Variants in IL2RB observed in about 807,000 individuals in gnomAD.
IL2RB encodes interleukin-2 receptor subunit beta.
A neutral mutation model predicts 44.2 loss-of-function variants in IL2RB; 17 were observed. The observed-to-expected ratio is 0.38, with a 90% CI of 0.26 to 0.58. The LOEUF (loss-of-function observed/expected upper bound fraction) is 0.58. Among genes scored for constraint, IL2RB ranks in the 20% least tolerant of loss-of-function variants. The probability of loss-of-function intolerance (pLI) is 0.63; values close to 1 mark genes in which losing one functional copy is unlikely to be tolerated. For missense variants in IL2RB, 624 were observed against 685.5 expected (o/e 0.91, Z 1.00); for synonymous variants, 286 against 297.9 (o/e 0.96, Z 0.41).
intron 4 of IL2RB, among the ~76,000 whole-genome samples, 186 bp from the exon 5 acceptor site, chr22:37,139,408 T>G (rs1175185420): frequency 6.6e-6 from 1 of 152,168 alleles, no homozygotes; most frequent in East Asian, 1.9e-4. Context: ...GGCCACATGG[T>G]CTCTGTCACG....
chr22:37,152,689 C>G (rs374119226), upstream of IL2RB, among the ~76,000 whole-genome samples: 16 of 152,228 alleles, frequency 1.1e-4, no homozygotes, highest in East Asian at 1.7e-3. Context: ...TGGTTCCTAA[C>G]CCTTCTCCCC....
At chr22:37,145,235 G>A (rs1270710999) in intron 1 of IL2RB, among the ~76,000 whole-genome samples, 1 of 152,204 alleles carries the variant, frequency 6.6e-6, no homozygotes, top group African/African-American at 2.4e-5. Context: ...CCTTTACGGA[G>A]GACCTTGTCC....
chr22:37,154,575 C>CTTTTTTTTTT (rs57147928), upstream of IL2RB, among the ~76,000 whole-genome samples: 5 of 141,606 alleles, frequency 3.5e-5, no homozygotes, highest in Non-Finnish European at 6.1e-5. Flanking sequence ...CTTTTTTTTT[C>CTTTTTTTTTT]TTTTTTTTTT....
At chr22:37,139,028 G>T in intron 5 of IL2RB, 89 bp downstream of exon 5, 1 of 846,158 alleles carries the variant, frequency 1.2e-6, no homozygotes, top group South Asian at 1.5e-5. Context: ...CTGCCGGGGA[G>T]AAAGGCTGGA....
chr22:37,132,540 C>G, intron 8 of IL2RB, 72 bp from the exon 9 acceptor site: 1 of 1,078,974 alleles, frequency 9.3e-7, no homozygotes, highest in Non-Finnish European at 1.4e-6. Context: ...ATCGGCACCA[C>G]AGCTCTGGAT....
chr22:37,164,276 C>T (rs942393588), intron 1 of IL2RB, among the ~76,000 whole-genome samples: 20 of 152,120 alleles, frequency 1.3e-4, no homozygotes, highest in Admixed American at 1.3e-3. Flanking sequence ...GGCGTCAGGG[C>T]CCAGAAGAGA....
In IL2RB at chr22:37,131,384, A is replaced by G. The variant is rs546346789; in HGVS notation, c.903+1000T>C. On this transcript the variant is annotated intron_variant, in intron 9 of 9. Coordinates refer to ENST00000216223, the MANE Select transcript of IL2RB (RefSeq NM_000878.5). ...CTCATCCCCACCCCCCAATCTTGGG[A>G]GCCTAGAGTGGGGCTAGGGTGGTAA... Among the ~76,000 whole-genome samples the G allele has an allele frequency of 5.1e-4, 78 of 152,002 alleles. 1 individual carries two copies. In the East Asian group the frequency reaches 5.4e-3, roughly 11 times the overall value.
rs775393264 is a variant in IL2RB, at chr22:37,128,534, T to C, written c.1218A>G (p.Gln406=). 8.1e-6 allele frequency: 13 copies of C among 1,612,196 alleles called. No homozygotes were observed. The East Asian group carries it at 2.9e-4, about 36-fold the overall frequency. The change falls in exon 10 of 10, where the codon CAA becomes CAG. Residue 406 remains glutamine, a synonymous_variant. Coordinates refer to ENST00000216223, the MANE Select transcript of IL2RB (RefSeq NM_000878.5). This position sits in a 1 kb window ranked among gnomAD's most constrained non-coding sequence, Gnocchi z 4.5. ...VAGAPTGSSP[Q]PLQPLSGEDD... ...CCTCCCCTGACAGAGGCTGCAGGGGTTGGGGGGAAGACCCTGTGGGTGCCC... is the reference window on the plus strand; with the variant it reads ...CCTCCCCTGACAGAGGCTGCAGGGGCTGGGGGGAAGACCCTGTGGGTGCCC...
chr22:37,128,219 G>T lies in IL2RB; in HGVS notation c.1533C>A (p.Phe511Leu), dbSNP rs1601593140. 3 of 1,513,080 alleles carry T rather than the reference G, an allele frequency of 2.0e-6. No homozygotes were observed. In the East Asian group the frequency reaches 7.0e-5, roughly 35 times the overall value. 93.7% of individuals were successfully genotyped at this position (1,513,080 alleles called of 1,614,324 possible). The change falls in exon 10 of 10, where the codon TTC (phenylalanine) becomes TTA (leucine). Residue 511 changes from phenylalanine (F) to leucine (L), a missense_variant. Transcript: ENST00000216223. This position sits in a 1 kb window ranked among gnomAD's most constrained non-coding sequence, Gnocchi z 4.5. ...PDAGPREGVS[F>L]PWSRPPGQGE... ...CCTGCCCAGGAGGCCTGGACCAGGGGAAACTGACTCCCTCCCTGGGGCCAG... is the reference window on the plus strand; with the variant it reads ...CCTGCCCAGGAGGCCTGGACCAGGGTAAACTGACTCCCTCCCTGGGGCCAG...
At chr22:37,155,340 C>T (rs75009467) in intron 1 of IL2RB, among the ~76,000 whole-genome samples, 92 of 152,318 alleles carry the variant, frequency 6.0e-4, no homozygotes, top group African/African-American at 1.9e-3. Flanking sequence ...GCAACCTTTC[C>T]CAAACTCAAA....
chr22:37,159,047 T>G (rs942275076), intron 1 of IL2RB, among the ~76,000 whole-genome samples: 1 of 152,250 alleles, frequency 6.6e-6, no homozygotes, highest in African/African-American at 2.4e-5. Flanking sequence ...CGGTTTCCGC[T>G]TTTCCTGTGG....
At chr22:37,132,357 C>A (rs1250642700) in intron 9 of IL2RB, 27 bp downstream of exon 9, 1 of 1,596,800 alleles carries the variant, frequency 6.3e-7, no homozygotes, top group Admixed American at 1.7e-5. Flanking sequence ...CCCTGCCCAC[C>A]TCTGTCTCCC....
At chr22:37,170,555 A>G (rs1008886817) in intron 1 of IL2RB, among the ~76,000 whole-genome samples, 6 of 152,176 alleles carry the variant, frequency 3.9e-5, no homozygotes, top group African/African-American at 1.2e-4. Context: ...TGGACAGTCT[A>G]GAACCCAAGC....
intron 8 of IL2RB, among the ~76,000 whole-genome samples, chr22:37,134,229 G>A (rs558961300): frequency 6.6e-6 from 1 of 152,278 alleles, no homozygotes; most frequent in African/African-American, 2.4e-5. Flanking sequence ...ATGGTATTAG[G>A]TATTATAAGT....
chr22:37,171,270 G>A (rs983636141), intron 1 of IL2RB, among the ~76,000 whole-genome samples: 2 of 151,982 alleles, frequency 1.3e-5, no homozygotes, highest in African/African-American at 2.4e-5. Context: ...GTTGTGAGTC[G>A]TCATGCTTGG....
In IL2RB at chr22:37,128,051, C is replaced by T. The variant is rs745463802; in HGVS notation, c.*45G>A. ...CCCTCAACAGGGTCCTTCTGAGGCT[C>T]GGCGCAGAGCAGGCAGCTGCCTGCC... is the stretch of plus-strand genomic sequence containing the variant. On this transcript the variant is annotated 3_prime_UTR_variant, in exon 10 of 10. Coordinates refer to ENST00000216223, the MANE Select transcript of IL2RB (RefSeq NM_000878.5). This position sits in a 1 kb window ranked among gnomAD's most constrained non-coding sequence, Gnocchi z 4.5. 9.7e-6 allele frequency: 14 copies of T among 1,444,752 alleles called. No individual in the cohort carries two copies. The highest frequency in any genetic ancestry group is 3.1e-5 in the South Asian group (2 of 65,438). 89.5% of individuals were successfully genotyped at this position (1,444,752 alleles called of 1,614,324 possible).
intron 1 of IL2RB, among the ~76,000 whole-genome samples, chr22:37,148,559 C>T (rs1922339281): frequency 6.6e-6 from 1 of 152,158 alleles, no homozygotes. Flanking sequence ...AGAACTGAAG[C>T]CCGGAGCGGC....
intron 4 of IL2RB, 104 bp downstream of exon 4, chr22:37,142,330 T>G: frequency 1.9e-6 from 2 of 1,054,814 alleles, no homozygotes; most frequent in South Asian, 1.3e-5. Context: ...GCCCCAGCCA[T>G]TGGGCCTCAG....
intron 1 of IL2RB, among the ~76,000 whole-genome samples, chr22:37,171,590 A>T (rs1216883862): frequency 6.6e-6 from 1 of 152,218 alleles, no homozygotes; most frequent in Non-Finnish European, 1.5e-5. Flanking sequence ...ATCTGAAGGA[A>T]GGAGGGAGCC....
Sources: allele counts gnomAD v4.1 joint callset (sites outside exome capture counted in the v4.1 genomes callset), GRCh38; gene constraint gnomAD v4.1.1; non-coding constraint Gnocchi (gnomAD v3.1); transcripts MANE v1.5; gene names NCBI Gene and HGNC (gene_info 2026-07-23, HGNC 2026-07-21).